Variants in TASOR2 observed in about 807,000 individuals in gnomAD.
The protein encoded by TASOR2 is transcription activation suppressor family member 2, also known as protein TASOR 2.
Under a neutral mutation model 199.5 loss-of-function variants are expected in TASOR2, and 84 were observed. The observed-to-expected ratio is 0.42, with a 90% CI of 0.35 to 0.50. TASOR2 has a LOEUF of 0.50. Among genes scored for constraint, TASOR2 ranks in the 20% least tolerant of loss-of-function variants. TASOR2 has a pLI of 0.02. For missense variants in TASOR2, 2,796 were observed against 2,835.9 expected, an observed-to-expected ratio of 0.99 and a Z score of 0.32; for synonymous variants, 1,103 against 1,046.6, an observed-to-expected ratio of 1.05 and a Z score of -1.04.
In TASOR2 at chr10:5,740,209, G is replaced by A. The variant is rs1276328903; in HGVS notation, c.2039G>A (p.Arg680Lys). ...GAGATACTAAGCCCTCTGTTTCCCA[G>A]GAATGGGACAAAAAGCCCTGAAGCA... Residue 680 changes from arginine to lysine, a missense_variant, in exon 13 of 21, where the codon AGG becomes AAG. Coordinates refer to ENST00000328090, the Ensembl canonical transcript of TASOR2. The surrounding 1 kb of genome is among the most constrained non-coding windows in gnomAD (Gnocchi z 5.3). The A allele has an allele frequency of 6.2e-7, 1 of 1,614,098 alleles. No homozygotes were observed. The highest frequency in any genetic ancestry group is 1.3e-5 in the African/African-American group (1 of 74,938).
exon 21 of TASOR2, chr10:5,763,102 TG>T: frequency 6.9e-7 from 1 of 1,442,044 alleles, no homozygotes; most frequent in Non-Finnish European, 9.7e-7. Flanking sequence ...GGAAAACTTG[TG>T]AACATGTGAA....
At chr10:5,713,275 G>GT (rs1242340737) in intron 2 of TASOR2, among the ~76,000 whole-genome samples, 3 of 151,966 alleles carry the variant, frequency 2.0e-5, no homozygotes, top group Admixed American at 1.3e-4. Context: ...AATTTTTCTG[G>GT]TTTAAGTTAT....
At position 5,687,278 on chromosome 10, in the gene TASOR2, C is replaced by T. The variant is rs1489212379; in HGVS notation, c.-288+2103C>T. On this transcript the variant is annotated intron_variant, in intron 1 of 20. Coordinates refer to ENST00000328090, the Ensembl canonical transcript of TASOR2. The surrounding 1 kb of genome is among the most constrained non-coding windows in gnomAD (Gnocchi z 4.8). ...AATGCGTTCCCTGCCCCCCGTTACC[C>T]TGGCCATTATTAATTTTGTGTTAAT... is the stretch of plus-strand genomic sequence containing the variant. Among the ~76,000 whole-genome samples, 3 of 152,200 alleles carry T rather than the reference C, an allele frequency of 2.0e-5. No individual in the cohort carries two copies. Among genetic ancestry groups the T allele is most frequent in the Non-Finnish European group, 4.4e-5 (3 of 68,050 alleles).
rs773059610 is a variant in TASOR2, at chr10:5,747,835, C to G, written c.4414C>G (p.Gln1472Glu). The stretch of plus-strand genomic sequence containing the variant: ...GCAAGATAACTTTACCCAGGTACAA[C>G]AAATGCAGGTCTCTGCCGAAATGCC... Residue 1472 changes from glutamine (Q) to glutamate (E), a missense_variant, in exon 15 of 21, where the codon CAA (glutamine) becomes GAA (glutamate). This residue lies in a region of TASOR2 where 1,941 missense variants were observed against 1,924.9 expected (regional missense o/e 1.01). Transcript: ENST00000328090. 6.8e-6 allele frequency: 11 copies of G among 1,613,708 alleles called. No individual in the cohort carries two copies. The highest frequency in any genetic ancestry group is 9.3e-6 in the Non-Finnish European group (11 of 1,180,048).
Position 5,742,195 on chromosome 10 carries a change from G to A in TASOR2, c.2426G>A (p.Arg809Gln), listed in dbSNP as rs767336008. ...TACAGCAATCAGAACAAAATCATAC[G>A]ATCTTCCCGAAAGGTTGTAGAACAC... Residue 809 changes from arginine to glutamine, a missense_variant, in exon 14 of 21, where the codon CGA becomes CAA. Around this residue, in one of 3 missense-constraint regions of TASOR2, gnomAD observed 1,941 missense variants for 1,924.9 expected, o/e 1.01. Transcript: ENST00000328090. The surrounding 1 kb of genome is among the most constrained non-coding windows in gnomAD (Gnocchi z 4.2). The A allele has an allele frequency of 1.5e-5, 24 of 1,613,952 alleles. No individual in the cohort carries two copies. The highest frequency in any genetic ancestry group is 2.7e-5 in the African/African-American group (2 of 74,902).
intron 1 of TASOR2, among the ~76,000 whole-genome samples, chr10:5,688,967 C>T (rs1836112779): frequency 6.6e-6 from 1 of 152,164 alleles, no homozygotes; most frequent in African/African-American, 2.4e-5. Context: ...CATGCCACTG[C>T]ACACCTTCCT....
intron 1 of TASOR2, among the ~76,000 whole-genome samples, chr10:5,695,175 A>G (rs1836995957): frequency 6.6e-6 from 1 of 152,224 alleles, no homozygotes; most frequent in Non-Finnish European, 1.5e-5. Context: ...CATATTTACT[A>G]AACACTATGT....
At chr10:5,714,745 T>G (rs1832395516) in intron 2 of TASOR2, among the ~76,000 whole-genome samples, 1 of 152,216 alleles carries the variant, frequency 6.6e-6, no homozygotes, top group Non-Finnish European at 1.5e-5. Context: ...TCAGTGAGAC[T>G]GGAAAGTGTT....
intron 11 of TASOR2, among the ~76,000 whole-genome samples, chr10:5,734,949 C>T (rs1835361023): frequency 6.6e-6 from 1 of 151,816 alleles, no homozygotes; most frequent in South Asian, 2.1e-4. Context: ...CCGTCATGGC[C>T]CCCCAACATA....
intron 2 of TASOR2, among the ~76,000 whole-genome samples, chr10:5,715,626 A>C (rs190405514): frequency 1.1e-3 from 146 of 135,890 alleles, no homozygotes; most frequent in Non-Finnish European, 1.8e-3. Context: ...CAAGAATTGC[A>C]TTGGTAGGCA....
At chr10:5,702,059 A>G (rs552735198) in intron 1 of TASOR2, among the ~76,000 whole-genome samples, 25 of 152,226 alleles carry the variant, frequency 1.6e-4, no homozygotes, top group Non-Finnish European at 3.4e-4. Flanking sequence ...AGGGCTTTCA[A>G]TTGTTCCTTG....
chr10:5,716,483 A>G (rs929490351), intron 2 of TASOR2, among the ~76,000 whole-genome samples: 1 of 152,226 alleles, frequency 6.6e-6, no homozygotes. Context: ...ATAAATTCAT[A>G]ACGCTGATAA....
chr10:5,763,615 GA>G (rs1213329037), exon 21 of TASOR2: 1 of 152,062 alleles, frequency 6.6e-6, no homozygotes, highest in Non-Finnish European at 1.5e-5. Flanking sequence ...TTATGATATT[GA>G]AAATTTCTAC....
In TASOR2 at chr10:5,740,578, A is replaced by G; in HGVS notation, c.2327+81A>G. The G allele has an allele frequency of 3.5e-6, 5 of 1,416,510 alleles. No homozygotes were observed. The highest frequency in any genetic ancestry group is 2.9e-6 in the Non-Finnish European group (3 of 1,044,036). The allele number at this position is 1,416,510 out of a possible 1,614,324, so 87.7% of individuals were successfully genotyped here. On this transcript the variant is annotated intron_variant, in intron 13 of 20. Transcript: ENST00000328090. The surrounding 1 kb of genome is among the most constrained non-coding windows in gnomAD (Gnocchi z 5.3). The stretch of plus-strand genomic sequence containing the variant: ...GTAGTGAGATGGGGAAACTTATGCC[A>G]AACTCTGGAGAAGGAGAAAGAAGTG...
rs369425390 is a variant in TASOR2, at chr10:5,742,367, A to G, written c.2598A>G (p.Val866=). ...TTTCCAGGGCTCATGCTGCTGAAGT[A>G]TCCTTCCGTGATCCTAACTGCTTGC... is the stretch of plus-strand genomic sequence containing the variant. The change falls in exon 14 of 21, where the codon GTA becomes GTG. Residue 866 remains valine, a synonymous_variant. Transcript: ENST00000328090. The surrounding 1 kb of genome is among the most constrained non-coding windows in gnomAD (Gnocchi z 4.2). 6 of 1,614,078 alleles carry G rather than the reference A, an allele frequency of 3.7e-6. No individual in the cohort carries two copies. In the African/African-American group the frequency reaches 5.3e-5, roughly 14 times the overall value.
intron 3 of TASOR2, 81 bp downstream of exon 4, chr10:5,717,831 T>A (rs917343452): frequency 4.1e-6 from 2 of 488,758 alleles, no homozygotes; most frequent in East Asian, 7.1e-5. Flanking sequence ...TAGATATTAG[T>A]TGAACATAGT....
At chr10:5,725,195 C>T (rs551982836) in intron 8 of TASOR2, among the ~76,000 whole-genome samples, 52 of 151,860 alleles carry the variant, frequency 3.4e-4, no homozygotes, top group African/African-American at 1.1e-3. Context: ...GTCAGGAGAT[C>T]GAGACCATCC....
chr10:5,753,507 C>T (rs1403268052), intron 15 of TASOR2, among the ~76,000 whole-genome samples: 1 of 152,152 alleles, frequency 6.6e-6, no homozygotes, highest in East Asian at 1.9e-4. Context: ...GGACTACAGG[C>T]GCCCGCCACC....
At chr10:5,755,862 T>C (rs540717336) in intron 15 of TASOR2, among the ~76,000 whole-genome samples, 1 of 151,964 alleles carries the variant, frequency 6.6e-6, no homozygotes, top group African/African-American at 2.4e-5. Flanking sequence ...CCCAGTGATG[T>C]GCACCTGTAG....
Sources: gnomAD v4.1 joint callset for allele counts (sites outside exome capture counted in the v4.1 genomes callset) on GRCh38, gnomAD v4.1.1 for gene constraint, gnomAD v4.1.1 regional missense constraint, Gnocchi (gnomAD v3.1) non-coding constraint, MANE v1.5 for transcripts, NCBI Gene and HGNC (gene_info 2026-07-23, HGNC 2026-07-21) for gene names.